The following PDE4D variants were observed in gnomAD, a reference collection of about 807,000 sequenced individuals.
PDE4D encodes the protein 3',5'-cyclic-AMP phosphodiesterase 4D.
PDE4D carries 24 observed loss-of-function variants against 87.4 expected under a neutral mutation model. The observed-to-expected ratio is 0.27, with a 90% CI of 0.20 to 0.39. PDE4D has a LOEUF of 0.39. Ranked by LOEUF, PDE4D falls within the 10% of genes least tolerant of loss-of-function variation. The pLI, the probability that PDE4D is intolerant of heterozygous loss-of-function variation, is 1.00. For synonymous variants in PDE4D, 384 were observed against 383.2 expected, an observed-to-expected ratio of 1.00 and a Z score of -0.02; for missense variants, 714 against 1,041.0, an observed-to-expected ratio of 0.69 and a Z score of 4.32.
intron 2 of PDE4D, among the ~76,000 whole-genome samples, chr5:60,094,218 G>T (rs1393343944): frequency 6.6e-6 from 1 of 152,114 alleles, no homozygotes; most frequent in Non-Finnish European, 1.5e-5. Flanking sequence ...CATGAGAAAT[G>T]ATCTGTCAGT....
intron 2 of PDE4D, among the ~76,000 whole-genome samples, chr5:60,079,099 T>A (rs1394486894): frequency 1.3e-5 from 2 of 152,216 alleles, no homozygotes; most frequent in Non-Finnish European, 2.9e-5. Flanking sequence ...TGAGATGGTA[T>A]CTCATAGTGG....
chr5:60,355,530 T>C (rs1026972295), intron 1 of PDE4D, among the ~76,000 whole-genome samples: 1 of 152,112 alleles, frequency 6.6e-6, no homozygotes, highest in Admixed American at 6.6e-5. Context: ...AAAAACCTTT[T>C]AATCTACTAC....
At chr5:59,150,994 G>A (rs1377558149) in intron 5 of PDE4D, among the ~76,000 whole-genome samples, 2 of 152,156 alleles carry the variant, frequency 1.3e-5, no homozygotes, top group Non-Finnish European at 2.9e-5. Flanking sequence ...AGAGTCCTGA[G>A]AAAGACACCA....
intron 5 of PDE4D, among the ~76,000 whole-genome samples, chr5:59,118,320 A>G (rs1292707041): frequency 6.6e-6 from 1 of 152,146 alleles, no homozygotes; most frequent in Non-Finnish European, 1.5e-5. Context: ...AGGCCTTTCA[A>G]CACGTTGTAT....
chr5:60,014,674 A>G (rs141578984), intron 2 of PDE4D, among the ~76,000 whole-genome samples: 359 of 152,360 alleles, frequency 2.4e-3, no homozygotes, highest in African/African-American at 7.9e-3. Flanking sequence ...CTTTCGCCCA[A>G]TGGAATGGAA....
At chr5:59,404,328 G>A (rs1029246312) in intron 1 of PDE4D, among the ~76,000 whole-genome samples, 10 of 151,908 alleles carry the variant, frequency 6.6e-5, no homozygotes, top group East Asian at 3.9e-4. Context: ...GTCTATTTTC[G>A]CTTTGGTTGC....
intron 1 of PDE4D, among the ~76,000 whole-genome samples, chr5:59,872,759 A>T (rs1262437503): frequency 1.3e-5 from 2 of 152,234 alleles, no homozygotes; most frequent in Non-Finnish European, 2.9e-5. Flanking sequence ...TAGAGAACAA[A>T]GTTAGAAAAC....
chr5:59,447,790 C>A (rs930549442), intron 1 of PDE4D, among the ~76,000 whole-genome samples: 7 of 152,220 alleles, frequency 4.6e-5, no homozygotes, highest in African/African-American at 1.7e-4. Context: ...CCAAGCTGAT[C>A]TTGCAACCCA....
At chr5:60,122,834 T>G (rs995290949) in intron 2 of PDE4D, among the ~76,000 whole-genome samples, 7 of 152,204 alleles carry the variant, frequency 4.6e-5, no homozygotes, top group Admixed American at 2.0e-4. Context: ...GGCTACAAAA[T>G]TTTTTAAACT....
chr5:60,063,098 GAAA>G (rs1562044230), intron 2 of PDE4D, among the ~76,000 whole-genome samples: 1 of 34,120 alleles, frequency 2.9e-5, no homozygotes, highest in African/African-American at 1.8e-4. Flanking sequence ...AAAGAAAGAA[GAAA>G]GAAAGAAAGA....
intron 1 of PDE4D, among the ~76,000 whole-genome samples, chr5:60,319,046 G>T (rs1755930559): frequency 6.6e-6 from 1 of 152,070 alleles, no homozygotes; most frequent in Non-Finnish European, 1.5e-5. Flanking sequence ...TGCTAAATTG[G>T]GGAAGTTCTC....
chr5:60,381,384 C>T (rs1761848260), intron 1 of PDE4D, among the ~76,000 whole-genome samples: 1 of 152,228 alleles, frequency 6.6e-6, no homozygotes, highest in Admixed American at 6.5e-5. Flanking sequence ...CCTAATTTCT[C>T]CTGGACTTTT....
At chr5:59,803,242 A>G (rs1767353542) in intron 1 of PDE4D, among the ~76,000 whole-genome samples, 1 of 151,710 alleles carries the variant, frequency 6.6e-6, no homozygotes, top group Admixed American at 6.6e-5. Context: ...ATTAGACGGT[A>G]CATAATTGGA....
At chr5:59,768,399 C>A (rs756263119) in intron 1 of PDE4D, 4 of 1,598,368 alleles carry the variant, frequency 2.5e-6, no homozygotes, top group Non-Finnish European at 3.4e-6. Context: ...CATGCTGCAA[C>A]AGGTTTTCTC....
At chr5:59,539,298 A>G (rs1815853753) in intron 1 of PDE4D, among the ~76,000 whole-genome samples, 2 of 152,168 alleles carry the variant, frequency 1.3e-5, no homozygotes, top group Admixed American at 6.5e-5. Context: ...CTTAGCTATC[A>G]TGTCAAAGAA....
intron 1 of PDE4D, among the ~76,000 whole-genome samples, chr5:59,511,499 G>A (rs549739278): frequency 1.3e-5 from 2 of 151,922 alleles, no homozygotes; most frequent in Admixed American, 6.6e-5. Context: ...TATATAATTA[G>A]GAACTAATAA....
At chr5:60,227,149 TC>T (rs1428594596) in intron 1 of PDE4D, among the ~76,000 whole-genome samples, 1 of 152,024 alleles carries the variant, frequency 6.6e-6, no homozygotes, top group Non-Finnish European at 1.5e-5. Context: ...GTTTCCCCAA[TC>T]AGTCACAAAA....
chr5:59,702,869 CAA>C (rs71604798), intron 1 of PDE4D, among the ~76,000 whole-genome samples: 16 of 69,814 alleles, frequency 2.3e-4, no homozygotes, highest in African/African-American at 6.7e-4. Context: ...GACCCTGTCT[CAA>C]AAAAAAAAAA....
intron 1 of PDE4D, among the ~76,000 whole-genome samples, chr5:59,759,761 G>A (rs1761745028): frequency 6.6e-6 from 1 of 152,126 alleles, no homozygotes; most frequent in Non-Finnish European, 1.5e-5. Flanking sequence ...AGCACTTCCT[G>A]GTGTGCTTCT....
Sources: gnomAD v4.1 joint callset for allele counts (sites outside exome capture counted in the v4.1 genomes callset) on GRCh38, gnomAD v4.1.1 for gene constraint, MANE v1.5 for transcripts, NCBI Gene and HGNC (gene_info 2026-07-23, HGNC 2026-07-21) for gene names.